The following FLT1 variants were observed in gnomAD, a reference collection of about 807,000 sequenced individuals.
FLT1 encodes the protein vascular endothelial growth factor receptor 1.
In FLT1, 49 loss-of-function variants were observed where a neutral mutation model predicts 156.3. The ratio of observed to expected loss-of-function variants is 0.31; its 90% CI spans 0.25 to 0.40. FLT1 has a LOEUF of 0.40. Among genes scored for constraint, FLT1 ranks in the 10% least tolerant of loss-of-function variants. FLT1 has a pLI of 1.00. For missense variants in FLT1, 1,322 were observed against 1,637.2 expected (o/e 0.81, Z 3.32); for synonymous variants, 594 against 583.8 (o/e 1.02, Z -0.25).
At chr13:28,359,244 T>C (rs892974927) in intron 14 of FLT1, among the ~76,000 whole-genome samples, 1 of 152,160 alleles carries the variant, frequency 6.6e-6, no homozygotes, top group African/African-American at 2.4e-5. Flanking sequence ...ACATCTATGG[T>C]CAACTGATTT....
At chr13:28,341,446 A>T (rs963152144) in intron 16 of FLT1, among the ~76,000 whole-genome samples, 11 of 152,272 alleles carry the variant, frequency 7.2e-5, no homozygotes, top group Admixed American at 5.2e-4. Context: ...CTGTGGACAA[A>T]CTGCCCTCTA....
chr13:28,481,992 TC>T (rs1880879873), intron 1 of FLT1, among the ~76,000 whole-genome samples: 2 of 152,238 alleles, frequency 1.3e-5, no homozygotes, highest in Admixed American at 6.5e-5. Context: ...CCCTTGAGCA[TC>T]TTTTAAATGA....
intron 3 of FLT1, among the ~76,000 whole-genome samples, chr13:28,462,511 C>T (rs1003091005): frequency 2.6e-5 from 4 of 152,092 alleles, no homozygotes; most frequent in African/African-American, 4.8e-5. Flanking sequence ...CCTGGTGTTT[C>T]GTAGCTATAA....
intron 13 of FLT1, chr13:28,388,830 G>C (rs1171612617): frequency 9.4e-7 from 1 of 1,061,652 alleles, no homozygotes; most frequent in Admixed American, 5.4e-5. Context: ...ATTTTAACAT[G>C]ATGAAGTTCC....
chr13:28,320,388 T>C (rs1440355312), intron 23 of FLT1, among the ~76,000 whole-genome samples: 1 of 152,148 alleles, frequency 6.6e-6, no homozygotes, highest in Admixed American at 6.5e-5. Flanking sequence ...GTGCAGTGGC[T>C]CTCGAAGTAT....
At chr13:28,448,220 A>T in intron 3 of FLT1, among the ~76,000 whole-genome samples, 1 of 152,228 alleles carries the variant, frequency 6.6e-6, no homozygotes, top group East Asian at 1.9e-4. Context: ...ATTGTTAAAC[A>T]TAGAGTTACC....
At chr13:28,462,506 T>G (rs1029344274) in intron 3 of FLT1, among the ~76,000 whole-genome samples, 1 of 152,242 alleles carries the variant, frequency 6.6e-6, no homozygotes, top group Non-Finnish European at 1.5e-5. Flanking sequence ...TATGACCTGG[T>G]GTTTCGTAGC....
At chr13:28,451,040 G>T (rs527932854) in intron 3 of FLT1, among the ~76,000 whole-genome samples, 1 of 152,186 alleles carries the variant, frequency 6.6e-6, no homozygotes, top group Non-Finnish European at 1.5e-5. Flanking sequence ...GACTCACCGC[G>T]GAAACCAAGC....
At position 28,300,873 on chromosome 13, in the gene FLT1, A is replaced by G. The variant is rs865959740; in HGVS notation, c.*2294T>C. 4.3e-6 allele frequency: 1 copy of G among 233,014 alleles called. No individual in the cohort carries two copies. The highest frequency in any genetic ancestry group is 2.2e-5 in the African/African-American group (1 of 45,322). The allele number at this position is 233,014 out of a possible 1,614,324, so 14.4% of individuals were successfully genotyped here. ...ATATTATCAGTTAATTCATGTTTCA[A>G]TTTTCAGTGCTATTTTAATGAACAA... On this transcript the variant is annotated 3_prime_UTR_variant, in exon 30 of 30. Coordinates refer to ENST00000282397, the MANE Select transcript of FLT1 (RefSeq NM_002019.4).
intron 14 of FLT1, among the ~76,000 whole-genome samples, chr13:28,379,042 C>T (rs954341694): frequency 1.3e-5 from 2 of 152,118 alleles, no homozygotes; most frequent in Non-Finnish European, 2.9e-5. Context: ...AGATCTTTCA[C>T]GACATCAAGA....
intron 15 of FLT1, among the ~76,000 whole-genome samples, chr13:28,352,655 C>T (rs1202958004): frequency 6.6e-6 from 1 of 152,220 alleles, no homozygotes; most frequent in African/African-American, 2.4e-5. Flanking sequence ...CCTCAGCCCT[C>T]CTATTGACAT....
chr13:28,320,514 T>C (rs1871405959), intron 23 of FLT1, among the ~76,000 whole-genome samples: 1 of 151,874 alleles, frequency 6.6e-6, no homozygotes, highest in African/African-American at 2.4e-5. Flanking sequence ...ATTCGTAAAC[T>C]TTCTTAAAAC....
chr13:28,443,035 G>A (rs1593798005), intron 3 of FLT1, among the ~76,000 whole-genome samples: 1 of 152,156 alleles, frequency 6.6e-6, no homozygotes, highest in Admixed American at 6.5e-5. Context: ...AGGAAGAGCT[G>A]CTCCAAAGAC....
intron 10 of FLT1, among the ~76,000 whole-genome samples, chr13:28,419,863 A>G (rs531032001): frequency 4.2e-4 from 64 of 152,380 alleles, no homozygotes; most frequent in Middle Eastern, 3.4e-3. Flanking sequence ...TGGGCGACAG[A>G]GCAAGACTCC....
At chr13:28,427,986 G>C in intron 8 of FLT1, 65 bp from the exon 9 acceptor site, 1 of 1,404,594 alleles carries the variant, frequency 7.1e-7, no homozygotes, top group African/African-American at 1.4e-5. Flanking sequence ...TTGATAACAC[G>C]GTCATTGAAG....
At chr13:28,442,409 T>A (rs537885242) in intron 3 of FLT1, among the ~76,000 whole-genome samples, 1 of 152,356 alleles carries the variant, frequency 6.6e-6, no homozygotes, top group Admixed American at 6.5e-5. Context: ...ATTTCTAGAC[T>A]AATGAATACC....
Position 28,405,811 on chromosome 13 carries a change from T to A in FLT1, c.1520A>T (p.Gln507Leu), listed in dbSNP as rs1393872506. ...CTTTCCTTCTATTATTGCCATGCGC[T>A]GAGTGATGCTCTCAATTCTGTTTCC... ...NMGNRIESIT[Q>L]RMAIIEGKNK... is the part of the protein sequence containing the mutation. Residue 507 changes from glutamine to leucine, a missense_variant, in exon 11 of 30, where the codon CAG becomes CTG. By Grantham distance (113) the Gln-to-Leu change is moderately radical (BLOSUM62 -2). Coordinates refer to ENST00000282397, the MANE Select transcript of FLT1 (RefSeq NM_002019.4). The A allele has an allele frequency of 6.2e-7, 1 of 1,603,546 alleles. No individual in the cohort carries two copies. Among genetic ancestry groups the A allele is most frequent in the East Asian group, 2.2e-5 (1 of 44,834 alleles).
rs139320807 is a variant in FLT1 at position 28,437,543 on chromosome 13, C to T, written c.513+678G>A. Among the ~76,000 whole-genome samples the T allele has an allele frequency of 5.7e-3, 873 of 152,216 alleles. 8 individuals are homozygous for T. Among genetic ancestry groups the T allele is most frequent in the South Asian group, 0.016 (79 of 4,824 alleles). On this transcript the variant is annotated intron_variant, in intron 4 of 29. Transcript: ENST00000282397. ...GGGGAGCTTTTATCCAGTTCTGAGTCCTGGTATACTCCTAACTCTTACTGC... is the reference window on the plus strand; with the variant it reads ...GGGGAGCTTTTATCCAGTTCTGAGTTCTGGTATACTCCTAACTCTTACTGC...
intron 14 of FLT1, chr13:28,368,313 T>A (rs9508020): frequency 3.6e-5 from 19 of 528,906 alleles, no homozygotes; most frequent in Non-Finnish European, 4.2e-5. Context: ...CCACCATGCC[T>A]GGCTAATTTT....
Sources: gnomAD v4.1 joint callset for allele counts (sites outside exome capture counted in the v4.1 genomes callset) on GRCh38, gnomAD v4.1.1 for gene constraint, MANE v1.5 for transcripts, NCBI Gene and HGNC (gene_info 2026-07-23, HGNC 2026-07-21) for gene names.